STXBP6: variants seen among roughly 807,000 people sequenced by gnomAD.
STXBP6 encodes syntaxin-binding protein 6.
Under a neutral mutation model 26.9 loss-of-function variants are expected in STXBP6, and 21 were observed. That is an observed-to-expected ratio of 0.78 (90% CI 0.55 to 1.12). STXBP6 has a LOEUF of 1.12. STXBP6 is among the 50% of genes most tolerant of loss of function. The pLI, the probability that STXBP6 is intolerant of heterozygous loss-of-function variation, is 0.00. For missense variants in STXBP6, 232 were observed against 257.9 expected (o/e 0.90, Z 0.69); for synonymous variants, 97 against 92.6 (o/e 1.05, Z -0.27).
chr14:24,948,520 T>A (rs1048196647), intron 2 of STXBP6, among the ~76,000 whole-genome samples: 1 of 152,144 alleles, frequency 6.6e-6, no homozygotes, highest in African/African-American at 2.4e-5. Flanking sequence ...TAGTTGATTT[T>A]CTGAGTTCAG....
chr14:24,999,456 C>T (rs145843621), intron 1 of STXBP6, among the ~76,000 whole-genome samples: 2 of 152,122 alleles, frequency 1.3e-5, no homozygotes, highest in East Asian at 3.9e-4. Flanking sequence ...ATTGTCCATG[C>T]TATTATCTAG....
chr14:24,896,113 A>G (rs1241584), intron 2 of STXBP6, among the ~76,000 whole-genome samples: 51,321 of 151,988 alleles, frequency 0.34, 8,777 homozygotes, highest in African/African-American at 0.41. Context: ...TGAATGTCCT[A>G]GAAAGAGGAT....
At chr14:25,014,147 T>C (rs1430370746) in intron 1 of STXBP6, among the ~76,000 whole-genome samples, 1 of 152,212 alleles carries the variant, frequency 6.6e-6, no homozygotes, top group Admixed American at 6.5e-5. Flanking sequence ...ACATAGGGTC[T>C]GCTATTATAT....
At chr14:25,040,642 C>T (rs1296217700) in intron 1 of STXBP6, among the ~76,000 whole-genome samples, 1 of 151,972 alleles carries the variant, frequency 6.6e-6, no homozygotes, top group African/African-American at 2.4e-5. Flanking sequence ...GATAAAGAAA[C>T]AAAAAATAAT....
At chr14:24,977,605 C>G (rs553411246) in intron 1 of STXBP6, among the ~76,000 whole-genome samples, 1 of 152,274 alleles carries the variant, frequency 6.6e-6, no homozygotes, top group East Asian at 1.9e-4. Context: ...CTTCACCTAC[C>G]TCCTGGAACT....
At chr14:24,911,375 AAGAG>A (rs138490421) in intron 2 of STXBP6, among the ~76,000 whole-genome samples, 3,267 of 148,632 alleles carry the variant, frequency 0.022, 108 homozygotes, top group African/African-American at 0.069. Context: ...GGAAAGAAAG[AAGAG>A]AGAGAGAGAG....
chr14:24,940,577 A>T (rs1255510400), intron 2 of STXBP6, among the ~76,000 whole-genome samples: 1 of 152,142 alleles, frequency 6.6e-6, no homozygotes, highest in Non-Finnish European at 1.5e-5. Flanking sequence ...GATAAGAACT[A>T]TGGGTCTATT....
In STXBP6 at chr14:24,964,681, G is replaced by A. The variant is rs147530943; in HGVS notation, c.154+9984C>T. 4.9e-3 allele frequency among the ~76,000 whole-genome samples: 741 copies of A among 150,552 alleles called. 8 individuals carry two copies. Among genetic ancestry groups the A allele is most frequent in the African/African-American group, 0.017 (703 of 40,498 alleles). On this transcript the variant is annotated intron_variant, in intron 2 of 5. Transcript: ENST00000323944. ...TGTGTGTGTGTGTGTGTGTGTGTGTGTATGTAAAGGAAGGGTAACAGGAAA... is the reference window on the plus strand; with the variant it reads ...TGTGTGTGTGTGTGTGTGTGTGTGTATATGTAAAGGAAGGGTAACAGGAAA...
chr14:24,995,621 ACTGG>A (rs1162415018), intron 1 of STXBP6, among the ~76,000 whole-genome samples: 1 of 152,126 alleles, frequency 6.6e-6, no homozygotes, highest in Non-Finnish European at 1.5e-5. Context: ...TCCTAACAAA[ACTGG>A]TAAAAATATT....
At chr14:24,977,705 TCTC>T (rs1296021640) in intron 1 of STXBP6, among the ~76,000 whole-genome samples, 32 of 152,334 alleles carry the variant, frequency 2.1e-4, no homozygotes, top group African/African-American at 7.5e-4. Context: ...TTTTATTAAT[TCTC>T]CTACTATGAT....
chr14:24,931,839 C>T (rs2072423802), intron 2 of STXBP6, among the ~76,000 whole-genome samples: 1 of 152,114 alleles, frequency 6.6e-6, no homozygotes, highest in Non-Finnish European at 1.5e-5. Flanking sequence ...GGGTAGAGGC[C>T]TGCCAGTTAG....
chr14:24,912,797 A>G (rs1227856560), intron 2 of STXBP6, among the ~76,000 whole-genome samples: 2 of 152,206 alleles, frequency 1.3e-5, no homozygotes, highest in African/African-American at 2.4e-5. Context: ...ACTTCATGTC[A>G]GTTGAATATA....
chr14:24,908,934 G>T (rs1026068979), intron 2 of STXBP6, among the ~76,000 whole-genome samples: 1 of 152,148 alleles, frequency 6.6e-6, no homozygotes, highest in South Asian at 2.1e-4. Context: ...GGATTTGGCA[G>T]AACATTAAAG....
Position 24,946,967 on chromosome 14 carries a change from T to C in STXBP6, c.154+27698A>G, listed in dbSNP as rs983876500. On this transcript the variant is annotated intron_variant, in intron 2 of 5. Transcript: ENST00000323944. ...CAGTTGGATGACAAGACTGGAGCTT[T>C]TGTAACTCAAAATGAAAAGCTACAT... Among the ~76,000 whole-genome samples, 3 of 152,164 alleles carry C rather than the reference T, an allele frequency of 2.0e-5. No homozygotes were observed. In the East Asian group the frequency reaches 5.8e-4, roughly 29 times the overall value.
In STXBP6 at chr14:24,897,555, T is replaced by A. The variant is rs910936109; in HGVS notation, c.155-40398A>T. On this transcript the variant is annotated intron_variant, in intron 2 of 5. Transcript: ENST00000323944. ...TGTGAAAAATATTAATGTGTTTGAG[T>A]AGGGGTGCTGCATTGAACCCCACCT... 3.9e-5 allele frequency among the ~76,000 whole-genome samples: 6 copies of A among 152,158 alleles called. No homozygotes were observed. The East Asian group carries it at 1.2e-3, about 29-fold the overall frequency.
intron 1 of STXBP6, among the ~76,000 whole-genome samples, chr14:25,027,760 G>A (rs2075375084): frequency 6.6e-6 from 1 of 152,204 alleles, no homozygotes; most frequent in Non-Finnish European, 1.5e-5. Context: ...GCCCCAAACA[G>A]CCAAGTTGGG....
intron 2 of STXBP6, among the ~76,000 whole-genome samples, chr14:24,900,343 T>C (rs1023151562): frequency 2.0e-5 from 3 of 152,102 alleles, no homozygotes; most frequent in African/African-American, 7.2e-5. Context: ...TGTGGCACTA[T>C]CCCAGGCTTT....
chr14:24,905,066 A>G (rs564823817), intron 2 of STXBP6, among the ~76,000 whole-genome samples: 1 of 152,294 alleles, frequency 6.6e-6, no homozygotes, highest in East Asian at 1.9e-4. Context: ...ATATATAGGT[A>G]TCCTTTCCAA....
chr14:25,043,845 C>T (rs907235156), intron 1 of STXBP6, among the ~76,000 whole-genome samples: 6 of 152,086 alleles, frequency 3.9e-5, no homozygotes, highest in African/African-American at 7.2e-5. Context: ...ATTCAGCAGC[C>T]GATGGATATT....
Sources: gnomAD v4.1 joint callset for allele counts (sites outside exome capture counted in the v4.1 genomes callset) on GRCh38, gnomAD v4.1.1 for gene constraint, MANE v1.5 for transcripts, NCBI Gene and HGNC (gene_info 2026-07-23, HGNC 2026-07-21) for gene names.